Variants in CHST11 observed in about 807,000 individuals in gnomAD.
The protein encoded by CHST11 is C4S-1.
CHST11 carries 9 observed loss-of-function variants against 30.4 expected under a neutral mutation model. The observed-to-expected ratio is 0.30, with a 90% confidence interval of 0.18 to 0.52. The LOEUF (loss-of-function observed/expected upper bound fraction) is 0.52, where lower values mean the gene tolerates loss of function less well. Among genes scored for constraint, CHST11 ranks in the 20% least tolerant of loss-of-function variants. The pLI, the probability that CHST11 is intolerant of heterozygous loss-of-function variation, is 0.97. For missense variants in CHST11, 348 were observed against 460.6 expected, an observed-to-expected ratio of 0.76 and a Z score of 2.24; for synonymous variants, 152 against 187.8, an observed-to-expected ratio of 0.81 and a Z score of 1.56.
intron 1 of CHST11, chr12:104,514,313 T>G: frequency 2.1e-6 from 2 of 930,588 alleles, no homozygotes; most frequent in South Asian, 2.6e-5. Flanking sequence ...GCCTGATCAT[T>G]GGCTGTGCCA....
intron 2 of CHST11, among the ~76,000 whole-genome samples, chr12:104,679,999 C>T (rs1455250652): frequency 6.6e-6 from 1 of 152,148 alleles, no homozygotes. Flanking sequence ...TTTGCAAAGC[C>T]CCACCAACTG....
At chr12:104,475,691 T>TATATATATATATA (rs6144846) in intron 1 of CHST11, among the ~76,000 whole-genome samples, 82 of 127,706 alleles carry the variant, frequency 6.4e-4, no homozygotes, top group South Asian at 9.6e-4. Flanking sequence ...TATATATATA[T>TATATATATATATA]TTCTGATTAT....
At position 104,513,844 on chromosome 12, in the gene CHST11, A is replaced by G. The variant is rs74571716; in HGVS notation, c.118+56315A>G. ...AGACAGTCCCTTAAGTGCAGGAAGA[A>G]TTCTGGCAGTGGCGTCAGAAGGCCA... On this transcript the variant is annotated intron_variant, in intron 1 of 2. Coordinates refer to ENST00000303694, the MANE Select transcript of CHST11 (RefSeq NM_018413.6). Among the ~76,000 whole-genome samples the G allele has an allele frequency of 3.0e-3, 464 of 152,340 alleles. 4 individuals carry two copies. Among genetic ancestry groups the G allele is most frequent in the African/African-American group, 0.011 (441 of 41,590 alleles).
intron 2 of CHST11, among the ~76,000 whole-genome samples, chr12:104,671,038 A>T (rs890938573): frequency 6.6e-6 from 1 of 152,242 alleles, no homozygotes; most frequent in African/African-American, 2.4e-5. Context: ...AGAAGCCCTA[A>T]GATCATGTTC....
At chr12:104,712,957 C>T (rs1450349172) in intron 2 of CHST11, among the ~76,000 whole-genome samples, 1 of 151,856 alleles carries the variant, frequency 6.6e-6, no homozygotes, top group African/African-American at 2.4e-5. Flanking sequence ...TGCAAGCAAA[C>T]CCCATCCCCC....
rs1053943958 is a variant in CHST11 at position 104,676,859 on chromosome 12, G to A, written c.204+74868G>A. On this transcript the variant is annotated intron_variant, in intron 2 of 2. Transcript: ENST00000303694. This position sits in a 1 kb window ranked among gnomAD's most constrained non-coding sequence, Gnocchi z 4.4. ...CAGGGATTAGGATGCGGCCTTTTGG[G>A]CGTGTCATTCTGCCTAGCACAGATG... 6.6e-6 allele frequency among the ~76,000 whole-genome samples: 1 copy of A among 152,190 alleles called. No individual in the cohort carries two copies. The highest frequency in any genetic ancestry group is 1.5e-5 in the Non-Finnish European group (1 of 68,040).
At chr12:104,536,384 C>T (rs2038237175) in intron 1 of CHST11, among the ~76,000 whole-genome samples, 1 of 152,184 alleles carries the variant, frequency 6.6e-6, no homozygotes, top group Non-Finnish European at 1.5e-5. Context: ...AGACTTCCTA[C>T]TCAATGTGTG....
chr12:104,481,374 C>T (rs745683543), intron 1 of CHST11, among the ~76,000 whole-genome samples: 2 of 152,196 alleles, frequency 1.3e-5, no homozygotes, highest in Non-Finnish European at 2.9e-5. Flanking sequence ...TTTAATGTTG[C>T]TTCCTCGTAT....
chr12:104,704,355 G>T (rs574906872), intron 2 of CHST11, among the ~76,000 whole-genome samples: 3 of 152,180 alleles, frequency 2.0e-5, no homozygotes, highest in African/African-American at 7.2e-5. Flanking sequence ...TAATTGGGGC[G>T]GGGGAGGCTG....
chr12:104,625,042 A>G, intron 2 of CHST11, among the ~76,000 whole-genome samples: 1 of 152,230 alleles, frequency 6.6e-6, no homozygotes, highest in South Asian at 2.1e-4. Flanking sequence ...TGGAGGATAG[A>G]GCTTCAACAT....
chr12:104,505,882 G>C (rs987662083), intron 1 of CHST11, among the ~76,000 whole-genome samples: 1 of 152,144 alleles, frequency 6.6e-6, no homozygotes, highest in Non-Finnish European at 1.5e-5. Context: ...GAGGTGGGAG[G>C]TGATTGAAAG....
intron 1 of CHST11, among the ~76,000 whole-genome samples, chr12:104,516,794 A>G (rs2038028120): frequency 6.6e-6 from 1 of 151,858 alleles, no homozygotes; most frequent in South Asian, 2.1e-4. Context: ...TCAGGGCACC[A>G]AGCAGAAGGG....
At chr12:104,564,273 C>G (rs1305403409) in intron 1 of CHST11, among the ~76,000 whole-genome samples, 1 of 152,218 alleles carries the variant, frequency 6.6e-6, no homozygotes, top group Non-Finnish European at 1.5e-5. Context: ...ACTCCAGAGT[C>G]CAAACACTTG....
At chr12:104,576,470 G>A (rs568838810) in intron 1 of CHST11, among the ~76,000 whole-genome samples, 1 of 152,312 alleles carries the variant, frequency 6.6e-6, no homozygotes, top group East Asian at 1.9e-4. Context: ...ACTAGAAAGG[G>A]AAAGGTGGCA....
rs2135945836 is a variant in CHST11 at position 104,458,050 on chromosome 12, C to T, written c.118+521C>T. ...GTACGCCCCGGCGAGGTTGCGAGTC[C>T]CTGCAGCAGGCTGGGAGCCCGGGAC... On this transcript the variant is annotated intron_variant, in intron 1 of 2. Coordinates refer to ENST00000303694, the MANE Select transcript of CHST11 (RefSeq NM_018413.6). This position sits in a 1 kb window ranked among gnomAD's most constrained non-coding sequence, Gnocchi z 5.7. Among the ~76,000 whole-genome samples, 1 of 151,780 alleles carries T rather than the reference C, an allele frequency of 6.6e-6. No homozygotes were observed. Among genetic ancestry groups the T allele is most frequent in the South Asian group, 2.1e-4 (1 of 4,806 alleles).
At chr12:104,576,134 G>T (rs2038681776) in intron 1 of CHST11, among the ~76,000 whole-genome samples, 1 of 152,060 alleles carries the variant, frequency 6.6e-6, no homozygotes, top group African/African-American at 2.4e-5. Flanking sequence ...TTCACGTTAA[G>T]TATTCACTGT....
chr12:104,555,321 G>C (rs149205115), intron 1 of CHST11, among the ~76,000 whole-genome samples: 6 of 152,214 alleles, frequency 3.9e-5, no homozygotes, highest in African/African-American at 1.4e-4. Flanking sequence ...GATGAGTAGG[G>C]TAAGGAAGAG....
Position 104,758,051 on chromosome 12 carries a change from C to T in CHST11, c.*248C>T. Reference sequence around the variant, plus strand: ...CACTGTCTCAAAGGTTTCTTGTGTTCTGGTGAATTCCATGAATTGTGCATT... The same window carrying T: ...CACTGTCTCAAAGGTTTCTTGTGTTTTGGTGAATTCCATGAATTGTGCATT... On this transcript the variant is annotated 3_prime_UTR_variant, in exon 3 of 3. Coordinates refer to ENST00000303694, the MANE Select transcript of CHST11 (RefSeq NM_018413.6). 2.6e-6 allele frequency: 1 copy of T among 392,022 alleles called. No homozygotes were observed. The highest frequency in any genetic ancestry group is 4.6e-6 in the Non-Finnish European group (1 of 219,760). The allele number at this position is 392,022 out of a possible 1,614,324, so 24.3% of individuals were successfully genotyped here. A position where few individuals can be genotyped will look rare whatever the true frequency, so the allele number is the denominator to read the frequency against.
chr12:104,630,442 C>T (rs2039259684), intron 2 of CHST11, among the ~76,000 whole-genome samples: 1 of 152,166 alleles, frequency 6.6e-6, no homozygotes, highest in Non-Finnish European at 1.5e-5. Context: ...CTGTTACAAC[C>T]ATAAAGATGA....
Sources: allele counts gnomAD v4.1 joint callset (sites outside exome capture counted in the v4.1 genomes callset), GRCh38; gene constraint gnomAD v4.1.1; non-coding constraint Gnocchi (gnomAD v3.1); transcripts MANE v1.5; gene names NCBI Gene and HGNC (gene_info 2026-07-23, HGNC 2026-07-21).